The following AGK variants were observed in gnomAD, a reference collection of about 807,000 sequenced individuals.
AGK encodes the protein acylglycerol kinase, mitochondrial.
Under a neutral mutation model 66.4 loss-of-function variants are expected in AGK, and 52 were observed. The ratio of observed to expected loss-of-function variants is 0.78; its 90% CI spans 0.63 to 0.99. The LOEUF is 0.99. Ranked by LOEUF, AGK falls within the 50% of genes least tolerant of loss-of-function variation. The pLI, the probability that AGK is intolerant of heterozygous loss-of-function variation, is 0.00. For synonymous variants in AGK, 182 were observed against 181.1 expected (o/e 1.00, Z -0.04); for missense variants, 451 against 506.6 (o/e 0.89, Z 1.05).
chr7:141,560,606 C>T lies in AGK; in HGVS notation c.101+5039C>T, dbSNP rs1383470575. Among the ~76,000 whole-genome samples, 3 of 151,944 alleles carry T rather than the reference C, an allele frequency of 2.0e-5. No individual in the cohort carries two copies. In the East Asian group the frequency reaches 5.8e-4, roughly 29 times the overall value. ...GTACCCAGTGTGTAGTCTTTTATTC[C>T]TCACCCCACTCCCACCTTTCCCCCT... On this transcript the variant is annotated intron_variant, in intron 2 of 15. Transcript: ENST00000649286.
chr7:141,589,323 G>A (rs1381478358), intron 2 of AGK, among the ~76,000 whole-genome samples: 1 of 152,212 alleles, frequency 6.6e-6, no homozygotes, highest in African/African-American at 2.4e-5. Flanking sequence ...CTTGGTACAA[G>A]GTAGTTGCTC....
chr7:141,621,369 T>G (rs1796820237), intron 8 of AGK, among the ~76,000 whole-genome samples: 1 of 152,234 alleles, frequency 6.6e-6, no homozygotes, highest in Admixed American at 6.5e-5. Context: ...CAAGAATAAG[T>G]ATTGTTTTTG....
At chr7:141,647,047 A>C (rs1797427137) in intron 13 of AGK, among the ~76,000 whole-genome samples, 1 of 151,140 alleles carries the variant, frequency 6.6e-6, no homozygotes, top group Non-Finnish European at 1.5e-5. Context: ...GCTTTAACCC[A>C]TTCTTCCTCC....
At chr7:141,647,960 C>T (rs550886443) in intron 13 of AGK, among the ~76,000 whole-genome samples, 8 of 152,296 alleles carry the variant, frequency 5.3e-5, no homozygotes, top group East Asian at 1.9e-4. Flanking sequence ...CGTGAGCCAC[C>T]GCGCCTGGCC....
chr7:141,604,031 C>T (rs1796395578), intron 5 of AGK, among the ~76,000 whole-genome samples: 1 of 151,866 alleles, frequency 6.6e-6, no homozygotes, highest in African/African-American at 2.4e-5. Context: ...TGATTTTTTC[C>T]AGTTTAAGAT....
chr7:141,576,327 C>A, intron 2 of AGK, among the ~76,000 whole-genome samples: 1 of 152,026 alleles, frequency 6.6e-6, no homozygotes, highest in African/African-American at 2.4e-5. Flanking sequence ...ATTCCTGATG[C>A]AGGTAGCCCC....
intron 2 of AGK, among the ~76,000 whole-genome samples, chr7:141,584,865 C>G (rs139595974): frequency 0.011 from 1,645 of 152,298 alleles, 15 homozygotes; most frequent in Middle Eastern, 0.027. Context: ...GAAATGAAGA[C>G]AGCCACCACT....
chr7:141,613,549 G>T (rs1049798792), intron 6 of AGK, among the ~76,000 whole-genome samples: 7 of 152,186 alleles, frequency 4.6e-5, no homozygotes, highest in Non-Finnish European at 8.8e-5. Context: ...AACCTGGGAA[G>T]CAGAGGTTGC....
chr7:141,588,178 A>G (rs566316068), intron 2 of AGK, among the ~76,000 whole-genome samples: 3 of 152,382 alleles, frequency 2.0e-5, no homozygotes, highest in Admixed American at 6.5e-5. Context: ...GTAATTGCCC[A>G]TTGAGTATTG....
At chr7:141,578,195 G>C (rs1795795194) in intron 2 of AGK, among the ~76,000 whole-genome samples, 1 of 151,852 alleles carries the variant, frequency 6.6e-6, no homozygotes, top group African/African-American at 2.4e-5. Flanking sequence ...GGGAGATGGG[G>C]TGGGGCCATT....
chr7:141,559,243 T>C (rs1418987774), intron 2 of AGK, among the ~76,000 whole-genome samples: 3 of 152,200 alleles, frequency 2.0e-5, no homozygotes, highest in Non-Finnish European at 2.9e-5. Context: ...GAGTTTTATA[T>C]TGGGTCTTAC....
intron 1 of AGK, among the ~76,000 whole-genome samples, chr7:141,553,464 ACT>A (rs1056178458): frequency 2.6e-5 from 4 of 151,952 alleles, no homozygotes; most frequent in African/African-American, 7.3e-5. Context: ...ATTCTTGCAG[ACT>A]CTCACAAAGC....
chr7:141,553,184 A>G (rs796952544), intron 1 of AGK, among the ~76,000 whole-genome samples: 7 of 152,246 alleles, frequency 4.6e-5, no homozygotes, highest in African/African-American at 1.7e-4. Context: ...CAGAGAGACC[A>G]TCTCTGTAGT....
Position 141,652,784 on chromosome 7 carries a change from C to G in AGK, c.1132-3C>G. The G allele has an allele frequency of 6.2e-7, 1 of 1,612,902 alleles. No homozygotes were observed. Among genetic ancestry groups the G allele is most frequent in the Non-Finnish European group, 8.5e-7 (1 of 1,179,936 alleles). On this transcript the variant is annotated splice_polypyrimidine_tract_variant and splice_region_variant and intron_variant, in intron 15 of 15. Transcript: ENST00000649286. ...GCTGTTCTGAATATTCTCTTCTCCC[C>G]AGGGAGCAGGGGGCTCTTTTAGCAT... is the stretch of plus-strand genomic sequence containing the variant.
intron 13 of AGK, 190 bp from the exon 14 acceptor site, chr7:141,649,073 T>A (rs1797486138): frequency 4.9e-6 from 2 of 411,352 alleles, no homozygotes; most frequent in Admixed American, 4.3e-5. Context: ...CTATAAATTA[T>A]ACCTCAGTAA....
chr7:141,621,733 CAT>C lies in AGK; in HGVS notation c.523_524del (p.Ile175TyrfsTer2), dbSNP rs1228071168. On this transcript the variant is annotated frameshift_variant and splice_region_variant, in exon 9 of 16. Transcript: ENST00000649286. LOFTEE classifies it high-confidence loss of function. ...TGATCATTTCCTTTTCTCTTTTAGA[CAT>C]ATTACTGATGCCACACTTGCCATTG... ...LFAESGNKVQ[H>X]ITDATLAIVK... 2.7e-5 allele frequency: 43 copies of C among 1,610,800 alleles called. No individual in the cohort carries two copies. Among genetic ancestry groups the C allele is most frequent in the Non-Finnish European group, 3.3e-5 (39 of 1,177,388 alleles).
chr7:141,609,379 C>T (rs1168255117), intron 5 of AGK, among the ~76,000 whole-genome samples: 3 of 152,194 alleles, frequency 2.0e-5, no homozygotes, highest in Admixed American at 1.3e-4. Flanking sequence ...ATCCAGGGTT[C>T]TCCCAACCTC....
In AGK at chr7:141,555,655, T is replaced by C; in HGVS notation, c.101+88T>C. 1 of 932,062 alleles carries C rather than the reference T, an allele frequency of 1.1e-6. No individual in the cohort carries two copies. The highest frequency in any genetic ancestry group is 1.7e-6 in the Non-Finnish European group (1 of 600,530). The allele number at this position is 932,062 out of a possible 1,614,324, so 57.7% of individuals were successfully genotyped here. ...AGGTTAAAATCTTGCTCAGCTGTGC[T>C]TATCCCTATAAAACATGTGGTGTAA... is the stretch of plus-strand genomic sequence containing the variant. On this transcript the variant is annotated intron_variant, in intron 2 of 15. Transcript: ENST00000649286. This position sits in a 1 kb window ranked among gnomAD's most constrained non-coding sequence, Gnocchi z 4.2.
chr7:141,645,218 A>G (rs982250196), intron 13 of AGK, among the ~76,000 whole-genome samples: 1 of 152,092 alleles, frequency 6.6e-6, no homozygotes, highest in African/African-American at 2.4e-5. Context: ...TAGGTCTTCA[A>G]TGTCTTTCAA....
Sources: gnomAD v4.1 joint callset for allele counts (sites outside exome capture counted in the v4.1 genomes callset) on GRCh38, gnomAD v4.1.1 for gene constraint, Gnocchi (gnomAD v3.1) non-coding constraint, MANE v1.5 for transcripts, NCBI Gene and HGNC (gene_info 2026-07-23, HGNC 2026-07-21) for gene names.